The following MGAT4C variants were observed in gnomAD, a reference collection of about 807,000 sequenced individuals.
The protein encoded by MGAT4C is MGAT4 family member C, also known as alpha-1,3-mannosyl-glycoprotein 4-beta-N-acetylglucosaminyltransferase C.
Under a neutral mutation model 40.1 loss-of-function variants are expected in MGAT4C, and 19 were observed. The ratio of observed to expected loss-of-function variants is 0.47; its 90% CI spans 0.33 to 0.70. MGAT4C has a LOEUF of 0.70. Ranked by LOEUF, MGAT4C falls within the 30% of genes least tolerant of loss-of-function variation. MGAT4C has a pLI of 0.02. For synonymous variants in MGAT4C, 181 were observed against 187.1 expected (o/e 0.97, Z 0.27); for missense variants, 491 against 563.2 (o/e 0.87, Z 1.30).
chr12:86,777,335 C>T (rs1382366571), intron 1 of MGAT4C, among the ~76,000 whole-genome samples: 2 of 152,130 alleles, frequency 1.3e-5, no homozygotes, highest in African/African-American at 2.4e-5. Context: ...TCTGTTGAAA[C>T]ATGTTATGAA....
At chr12:86,813,161 G>A (rs1048116181) in intron 1 of MGAT4C, among the ~76,000 whole-genome samples, 3 of 151,784 alleles carry the variant, frequency 2.0e-5, no homozygotes, top group Admixed American at 6.6e-5. Context: ...TGCTTAGCAG[G>A]GAGAAGCAAG....
intron 2 of MGAT4C, among the ~76,000 whole-genome samples, chr12:86,506,962 C>A (rs1958482545): frequency 6.6e-6 from 1 of 152,054 alleles, no homozygotes. Flanking sequence ...ATGTTATTGA[C>A]CAGGATTGTG....
chr12:86,651,174 C>T (rs576967160), intron 2 of MGAT4C, among the ~76,000 whole-genome samples: 24 of 151,890 alleles, frequency 1.6e-4, no homozygotes, highest in African/African-American at 5.8e-4. Context: ...CCACCTTTTA[C>T]AAAAGTTCTA....
intron 3 of MGAT4C, among the ~76,000 whole-genome samples, chr12:86,411,576 G>T (rs992606984): frequency 1.3e-5 from 2 of 152,122 alleles, no homozygotes; most frequent in African/African-American, 4.8e-5. Flanking sequence ...AGTAGCCTAT[G>T]CTTATATTTT....
In MGAT4C at chr12:85,965,579, AGAGT is replaced by A. The variant is rs1346921172; in HGVS notation, c.*13706_*13709del. ...GCCACTGCAGTCCGGCCTGGGCAAA[AGAGT>A]GAGACTCTGTCTCAAAAAAAAAAAA... On this transcript the variant is annotated 3_prime_UTR_variant, in exon 5 of 5. Transcript: ENST00000611864. The A allele has an allele frequency of 6.8e-6, 1 of 146,206 alleles. No homozygotes were observed. Among genetic ancestry groups the A allele is most frequent in the Non-Finnish European group, 1.5e-5 (1 of 67,152 alleles). 9.1% of individuals were successfully genotyped at this position (146,206 alleles called of 1,614,324 possible). A position where few individuals can be genotyped will look rare whatever the true frequency, so the allele number is the denominator to read the frequency against.
intron 4 of MGAT4C, among the ~76,000 whole-genome samples, chr12:86,269,120 T>A (rs1043953352): frequency 2.7e-5 from 4 of 147,920 alleles, no homozygotes; most frequent in Non-Finnish European, 4.5e-5. Context: ...ACATTTTATT[T>A]AATTGTTGTG....
At chr12:86,456,040 C>T (rs10776975) in intron 2 of MGAT4C, among the ~76,000 whole-genome samples, 135,589 of 152,148 alleles carry the variant, frequency 0.89, 60,626 homozygotes, top group East Asian at 1. Context: ...TTAAAAATTA[C>T]GATTAGCATG....
At chr12:86,017,256 A>G (rs1365619488) in intron 2 of MGAT4C, among the ~76,000 whole-genome samples, 2 of 152,168 alleles carry the variant, frequency 1.3e-5, no homozygotes, top group South Asian at 2.1e-4. Flanking sequence ...ACTCGGAGCT[A>G]TAAGACAAAC....
At chr12:86,421,510 G>A (rs543582699) in intron 3 of MGAT4C, among the ~76,000 whole-genome samples, 35 of 152,262 alleles carry the variant, frequency 2.3e-4, no homozygotes, top group Admixed American at 3.9e-4. Context: ...CATGGCTCAC[G>A]CCTGTAGTCC....
intron 1 of MGAT4C, among the ~76,000 whole-genome samples, chr12:86,129,249 G>C (rs1341167987): frequency 6.6e-6 from 1 of 151,568 alleles, no homozygotes; most frequent in Admixed American, 6.6e-5. Context: ...TCTGTGCAGG[G>C]GGAAGCATAT....
chr12:86,154,824 G>A (rs1244618076), intron 1 of MGAT4C, among the ~76,000 whole-genome samples: 1 of 152,120 alleles, frequency 6.6e-6, no homozygotes, highest in Non-Finnish European at 1.5e-5. Context: ...TACGTGTTGA[G>A]AGCTTCCCAC....
chr12:86,788,186 T>G (rs891487675), intron 1 of MGAT4C, among the ~76,000 whole-genome samples: 25 of 151,196 alleles, frequency 1.7e-4, no homozygotes, highest in Non-Finnish European at 2.2e-4. Flanking sequence ...ATAGGATATA[T>G]ATATGTAATA....
intron 1 of MGAT4C, among the ~76,000 whole-genome samples, chr12:86,057,116 T>G (rs1359417743): frequency 6.6e-6 from 1 of 152,098 alleles, no homozygotes; most frequent in Non-Finnish European, 1.5e-5. Context: ...CTCAAAATTT[T>G]TGAAATTTGC....
chr12:86,212,611 G>A (rs1003663555), intron 1 of MGAT4C, among the ~76,000 whole-genome samples: 10 of 151,606 alleles, frequency 6.6e-5, no homozygotes, highest in African/African-American at 1.7e-4. Flanking sequence ...ACTCATGGCC[G>A]GGCGCGGTGG....
chr12:86,713,354 T>C (rs149587978), intron 2 of MGAT4C, among the ~76,000 whole-genome samples: 141 of 152,204 alleles, frequency 9.3e-4, no homozygotes, highest in African/African-American at 3.2e-3. Flanking sequence ...CTGTTGAACA[T>C]TCAACCAACA....
chr12:86,185,990 A>G (rs774453011), intron 1 of MGAT4C, among the ~76,000 whole-genome samples: 2 of 152,164 alleles, frequency 1.3e-5, no homozygotes, highest in Non-Finnish European at 2.9e-5. Flanking sequence ...TCTATTTTCA[A>G]CATATAAAAT....
chr12:86,318,411 T>A (rs1256339122), intron 4 of MGAT4C, among the ~76,000 whole-genome samples: 1 of 152,176 alleles, frequency 6.6e-6, no homozygotes, highest in Non-Finnish European at 1.5e-5. Context: ...TGTCTGGCAA[T>A]GTCCAAAATG....
intron 3 of MGAT4C, among the ~76,000 whole-genome samples, chr12:86,389,592 G>C (rs1166217121): frequency 6.6e-6 from 1 of 152,116 alleles, no homozygotes; most frequent in Non-Finnish European, 1.5e-5. Context: ...TGGTATTTCT[G>C]TCTTTAGGTC....
chr12:85,980,795 A>G (rs1024756648), intron 4 of MGAT4C, among the ~76,000 whole-genome samples: 1 of 152,102 alleles, frequency 6.6e-6, no homozygotes, highest in Non-Finnish European at 1.5e-5. Context: ...ATAACATACA[A>G]GTTACTTTTT....
Sources: allele counts gnomAD v4.1 joint callset (sites outside exome capture counted in the v4.1 genomes callset), GRCh38; gene constraint gnomAD v4.1.1; transcripts MANE v1.5; gene names NCBI Gene and HGNC (gene_info 2026-07-23, HGNC 2026-07-21).